The following PDE8A variants were observed in gnomAD, a reference collection of about 807,000 sequenced individuals.
PDE8A encodes the protein phosphodiesterase 8A.
In PDE8A, 59 loss-of-function variants were observed where a neutral mutation model predicts 105.0. The observed-to-expected ratio is 0.56, with a 90% CI of 0.46 to 0.70. The LOEUF is 0.70. PDE8A is among the 30% of genes least tolerant of loss of function. PDE8A has a pLI of 0.00. For synonymous variants in PDE8A, 355 were observed against 371.9 expected, an observed-to-expected ratio of 0.95 and a Z score of 0.52; for missense variants, 1,014 against 1,045.9, an observed-to-expected ratio of 0.97 and a Z score of 0.42.
chr15:85,101,944 T>C (rs2081869847), intron 11 of PDE8A, among the ~76,000 whole-genome samples: 2 of 152,182 alleles, frequency 1.3e-5, no homozygotes, highest in African/African-American at 4.8e-5. Context: ...GCCCATTTAT[T>C]CTACAGATTT....
rs763894180 is a variant in PDE8A, at chr15:85,054,373, G to A, written c.187-9997G>A. Reference sequence around the variant, plus strand: ...AGGATTCCCTCTTTTTCTATTGATCGGAATAGTTTCAGAAGGAATGGTACC... The same window carrying A: ...AGGATTCCCTCTTTTTCTATTGATCAGAATAGTTTCAGAAGGAATGGTACC... On this transcript the variant is annotated intron_variant, in intron 1 of 21. Transcript: ENST00000394553. Among the ~76,000 whole-genome samples, 7 of 152,214 alleles carry A rather than the reference G, an allele frequency of 4.6e-5. No homozygotes were observed. In the South Asian group the frequency reaches 1.2e-3, roughly 27 times the overall value.
chr15:85,097,934 C>T lies in PDE8A; in HGVS notation c.853-14C>T, dbSNP rs1414196765. 1 of 1,385,528 alleles carries T rather than the reference C, an allele frequency of 7.2e-7. No individual in the cohort carries two copies. Among genetic ancestry groups the T allele is most frequent in the Admixed American group, 1.7e-5 (1 of 59,010 alleles). The allele number at this position is 1,385,528 out of a possible 1,614,324, so 85.8% of individuals were successfully genotyped here. A position where few individuals can be genotyped will look rare whatever the true frequency, so the allele number is the denominator to read the frequency against. On this transcript the variant is annotated splice_polypyrimidine_tract_variant and intron_variant, in intron 8 of 21. Coordinates refer to ENST00000394553, the MANE Select transcript of PDE8A (RefSeq NM_002605.3). ...TCAACACAAAGTATGACGATGCTTA[C>T]ATTCCATTTATAGGAGTGGCAAGGA... is the stretch of plus-strand genomic sequence containing the variant.
chr15:85,119,136 A>C (rs1427917734), intron 17 of PDE8A, among the ~76,000 whole-genome samples: 1 of 152,130 alleles, frequency 6.6e-6, no homozygotes, highest in African/African-American at 2.4e-5. Context: ...ACTACTCTAT[A>C]GACAACATAC....
At chr15:85,059,805 A>G (rs1017418267) in intron 1 of PDE8A, among the ~76,000 whole-genome samples, 11 of 152,280 alleles carry the variant, frequency 7.2e-5, no homozygotes, top group African/African-American at 2.2e-4. Flanking sequence ...ATTTAAAGTA[A>G]TTACTGAGCT....
rs2082442250 is a variant in PDE8A at position 85,138,141 on chromosome 15, CAT to C, written c.*239_*240del. On this transcript the variant is annotated 3_prime_UTR_variant, in exon 22 of 22. Transcript: ENST00000394553. ...GCTGCAGGAGCTCTTCAGAAAGGCA[CAT>C]GAGGACCACGGTTTGCCTCAGTTTC... 2.3e-6 allele frequency: 1 copy of C among 439,566 alleles called. No individual in the cohort carries two copies. The highest frequency in any genetic ancestry group is 4.1e-6 in the Non-Finnish European group (1 of 244,366). The allele number at this position is 439,566 out of a possible 1,614,324, so 27.2% of individuals were successfully genotyped here. A position where few individuals can be genotyped will look rare whatever the true frequency, so the allele number is the denominator to read the frequency against.
intron 6 of PDE8A, among the ~76,000 whole-genome samples, chr15:85,087,242 G>T (rs2081569395): frequency 6.6e-6 from 1 of 152,078 alleles, no homozygotes; most frequent in South Asian, 2.1e-4. Context: ...TCACTCTGTT[G>T]CCTGGGCTGG....
chr15:85,012,025 A>G (rs1011667672), intron 1 of PDE8A, among the ~76,000 whole-genome samples: 6 of 152,186 alleles, frequency 3.9e-5, no homozygotes, highest in Non-Finnish European at 5.9e-5. Context: ...TTAGAAAGGC[A>G]ATCATTAAAA....
chr15:84,996,656 T>C (rs12324252), intron 1 of PDE8A, among the ~76,000 whole-genome samples: 30,898 of 151,372 alleles, frequency 0.2, 7,226 homozygotes, highest in African/African-American at 0.58. Context: ...GAGACCCCAT[T>C]TCTACTTAAA....
chr15:85,093,061 G>A (rs560087839), intron 8 of PDE8A, among the ~76,000 whole-genome samples: 2 of 151,904 alleles, frequency 1.3e-5, no homozygotes, highest in South Asian at 2.1e-4. Flanking sequence ...GGCACATGCC[G>A]TCATGCCTAA....
chr15:85,118,598 CT>C (rs1470410674), intron 17 of PDE8A, among the ~76,000 whole-genome samples: 1 of 152,242 alleles, frequency 6.6e-6, no homozygotes, highest in East Asian at 1.9e-4. Context: ...AGGATTTAAA[CT>C]TTAAACTCTA....
intron 11 of PDE8A, among the ~76,000 whole-genome samples, chr15:85,104,873 G>A (rs1208907671): frequency 6.6e-6 from 1 of 152,060 alleles, no homozygotes; most frequent in Non-Finnish European, 1.5e-5. Context: ...AATGGCCAGG[G>A]GAGCACTGAG....
chr15:85,101,928 C>T lies in PDE8A; in HGVS notation c.1036+1730C>T, dbSNP rs16974849. On this transcript the variant is annotated intron_variant, in intron 11 of 21. Transcript: ENST00000394553. ...CAGTCAGGTGGGTTTGTTTGTTCAC[C>T]CCTTTGCCCATTTATTCTACAGATT... Among the ~76,000 whole-genome samples, 17 of 152,232 alleles carry T rather than the reference C, an allele frequency of 1.1e-4. No individual in the cohort carries two copies. The South Asian group carries it at 2.1e-3, about 19-fold the overall frequency.
intron 12 of PDE8A, among the ~76,000 whole-genome samples, chr15:85,111,741 G>T (rs55785328): frequency 0.088 from 13,449 of 152,208 alleles, 1,635 homozygotes; most frequent in African/African-American, 0.28. Flanking sequence ...TTTGTTTTCA[G>T]AGTGCCTTAA....
intron 19 of PDE8A, 88 bp downstream of exon 19, chr15:85,123,281 C>G: frequency 2.3e-6 from 3 of 1,289,362 alleles, no homozygotes; most frequent in South Asian, 1.3e-5. Flanking sequence ...ATATCAGCCA[C>G]AGAAGGGTTC....
chr15:85,059,993 G>A (rs2081118828), intron 1 of PDE8A, among the ~76,000 whole-genome samples: 1 of 152,140 alleles, frequency 6.6e-6, no homozygotes, highest in Non-Finnish European at 1.5e-5. Context: ...GGGTGATAGA[G>A]CAGGACCCTG....
Position 85,114,113 on chromosome 15 carries a change from C to G in PDE8A, c.1350+76C>G, listed in dbSNP as rs980285470. The G allele has an allele frequency of 3.1e-6, 4 of 1,298,778 alleles. No homozygotes were observed. The South Asian group carries it at 5.2e-5, about 17-fold the overall frequency. The allele number at this position is 1,298,778 out of a possible 1,614,324, so 80.5% of individuals were successfully genotyped here. On this transcript the variant is annotated intron_variant, in intron 14 of 21. Transcript: ENST00000394553. ...TTTTCTCAGAGGTTATTCACTTAAA[C>G]AGATATTGAAGAGGCAGGCAGGGCT...
chr15:85,134,914 C>CT (rs2082383099), intron 20 of PDE8A, among the ~76,000 whole-genome samples: 1 of 152,120 alleles, frequency 6.6e-6, no homozygotes, highest in Non-Finnish European at 1.5e-5. Flanking sequence ...AGAAGGGTGA[C>CT]TGAGTGCACA....
At chr15:85,137,151 G>A (rs1038159983) in intron 21 of PDE8A, among the ~76,000 whole-genome samples, 2 of 152,200 alleles carry the variant, frequency 1.3e-5, no homozygotes, top group African/African-American at 4.8e-5. Flanking sequence ...CGTCCTGAGG[G>A]CTGCACCTTG....
chr15:84,998,864 G>C (rs1011460323), intron 1 of PDE8A, among the ~76,000 whole-genome samples: 1 of 152,120 alleles, frequency 6.6e-6, no homozygotes, highest in Admixed American at 6.5e-5. Context: ...TTTTCAAAAG[G>C]CACAGAACAC....
Sources: gnomAD v4.1 joint callset for allele counts (sites outside exome capture counted in the v4.1 genomes callset) on GRCh38, gnomAD v4.1.1 for gene constraint, MANE v1.5 for transcripts, NCBI Gene and HGNC (gene_info 2026-07-23, HGNC 2026-07-21) for gene names.